SYTL5: variants seen among roughly 807,000 people sequenced by gnomAD.
SYTL5 encodes synaptotagmin-like protein 5.
In SYTL5, 34 loss-of-function variants were observed where a neutral mutation model predicts 55.9. That is an observed-to-expected ratio of 0.61 (90% CI 0.46 to 0.81). The LOEUF (loss-of-function observed/expected upper bound fraction) is 0.81. SYTL5 is among the 30% of genes least tolerant of loss of function. SYTL5 has a pLI of 0.00. For missense variants in SYTL5, 637 were observed against 546.7 expected (o/e 1.17, Z -1.65); for synonymous variants, 221 against 188.7 (o/e 1.17, Z -1.40).
At chrX:37,961,304 A>G in the SYTL5 span, among the ~76,000 whole-genome samples, 8 of 111,676 alleles carry the variant, frequency 7.2e-5, no homozygotes, top group African/African-American at 2.6e-4. Context: ...AGAGCATGGC[A>G]TCGACATCTG....
chrX:37,905,270 TCCTCCACA>T, the SYTL5 span, among the ~76,000 whole-genome samples: 56 of 110,569 alleles, frequency 5.1e-4, no homozygotes, highest in African/African-American at 1.8e-3. Flanking sequence ...ACTTGCAGCC[TCCTCCACA>T]AGGAAGGGGG....
chrX:37,969,973 T>A, the SYTL5 span, among the ~76,000 whole-genome samples: 6 of 112,023 alleles, frequency 5.4e-5, no homozygotes, highest in Non-Finnish European at 9.4e-5. Flanking sequence ...TTTTAAGATA[T>A]CAATCTGAAG....
the SYTL5 span, among the ~76,000 whole-genome samples, chrX:37,950,481 G>T: frequency 9.0e-6 from 1 of 111,571 alleles, no homozygotes; most frequent in Non-Finnish European, 1.9e-5. Flanking sequence ...TAACTGTAAA[G>T]CAGGATATAT....
At chrX:37,983,163 A>T in the SYTL5 span, among the ~76,000 whole-genome samples, 2 of 111,881 alleles carry the variant, frequency 1.8e-5, no homozygotes, top group Non-Finnish European at 3.8e-5. Flanking sequence ...AAAAAGTAAA[A>T]TGGCAGAGGT....
the SYTL5 span, among the ~76,000 whole-genome samples, chrX:37,950,790 A>G: frequency 9.0e-6 from 1 of 111,580 alleles, no homozygotes; most frequent in East Asian, 2.8e-4. Flanking sequence ...TTTTTCTGAG[A>G]GCTTTTCAGG....
the SYTL5 span, among the ~76,000 whole-genome samples, chrX:37,913,662 A>G: frequency 8.9e-6 from 1 of 112,117 alleles, no homozygotes; most frequent in Non-Finnish European, 1.9e-5. Context: ...ACCCTTGACC[A>G]ATGTGAGATG....
At chrX:37,920,509 T>G in the SYTL5 span, among the ~76,000 whole-genome samples, 1 of 111,038 alleles carries the variant, frequency 9.0e-6, no homozygotes, top group Non-Finnish European at 1.9e-5. Flanking sequence ...ATATTTTTTC[T>G]GTACCCTTTG....
At chrX:38,034,141 G>A (rs992988918) in intron 2 of SYTL5, 133 bp downstream of exon 2, 1 of 316,605 alleles carries the variant, frequency 3.2e-6, no homozygotes, top group Non-Finnish European at 5.5e-6. Flanking sequence ...GTTCTCATCA[G>A]TAGCCCAAAT....
intron 5 of SYTL5, among the ~76,000 whole-genome samples, chrX:38,076,051 G>A (rs191228841): frequency 1.8e-5 from 2 of 111,785 alleles, no homozygotes; most frequent in South Asian, 3.8e-4. Context: ...TTAGTCATTC[G>A]TTCCACAAGA....
the SYTL5 span, chrX:37,949,494 A>G: frequency 8.9e-6 from 1 of 111,838 alleles, no homozygotes; most frequent in Non-Finnish European, 1.9e-5. Context: ...AGCATTCCTC[A>G]TTGATTAAAT....
At chrX:38,057,409 T>C (rs1176825224) in intron 3 of SYTL5, among the ~76,000 whole-genome samples, 1 of 111,881 alleles carries the variant, frequency 8.9e-6, no homozygotes, top group African/African-American at 3.2e-5. Flanking sequence ...ATAGAAATTA[T>C]AGTTCTGTGG....
chrX:38,068,087 G>T (rs1369933078), intron 3 of SYTL5, among the ~76,000 whole-genome samples: 3 of 111,301 alleles, frequency 2.7e-5, no homozygotes, highest in Non-Finnish European at 5.7e-5. Context: ...AAGCAAAGAA[G>T]CAAATAATCC....
At chrX:37,960,937 A>G in the SYTL5 span, among the ~76,000 whole-genome samples, 2 of 109,358 alleles carry the variant, frequency 1.8e-5, no homozygotes, top group African/African-American at 6.6e-5. Context: ...CTGGGACTAC[A>G]GGCGCCTGCC....
intron 2 of SYTL5, among the ~76,000 whole-genome samples, chrX:38,047,960 G>A (rs1225250523): frequency 1.8e-5 from 2 of 110,980 alleles, no homozygotes; most frequent in African/African-American, 6.6e-5. Flanking sequence ...GCTGAGGCTT[G>A]CAGATCACAA....
At chrX:38,076,447 C>T in intron 5 of SYTL5, 120 bp from the exon 6 acceptor site, 2 of 626,761 alleles carry the variant, frequency 3.2e-6, no homozygotes, top group African/African-American at 2.2e-5. Context: ...CCTCTCAGCC[C>T]TAAGGCTGCT....
At chrX:38,115,483 C>CAAAAAAAAAA (rs772227891) in intron 13 of SYTL5, among the ~76,000 whole-genome samples, 1 of 17,476 alleles carries the variant, frequency 5.7e-5, no homozygotes, top group Non-Finnish European at 1.0e-4. Context: ...GACTCCGTCT[C>CAAAAAAAAAA]AAAAAAAAAA....
At chrX:37,893,459 T>C in the SYTL5 span, among the ~76,000 whole-genome samples, 2 of 94,991 alleles carry the variant, frequency 2.1e-5, no homozygotes, top group Non-Finnish European at 4.1e-5. Flanking sequence ...ATATAATCTA[T>C]ATATAATATA....
At chrX:38,035,499 G>A (rs1389679796) in intron 2 of SYTL5, among the ~76,000 whole-genome samples, 3 of 109,848 alleles carry the variant, frequency 2.7e-5, no homozygotes, top group Non-Finnish European at 5.7e-5. Context: ...GCTGAGGCGG[G>A]AGAATGGCAT....
intron 1 of SYTL5, among the ~76,000 whole-genome samples, chrX:38,022,967 CGA>C (rs1167258141): frequency 9.0e-6 from 1 of 111,052 alleles, no homozygotes; most frequent in Non-Finnish European, 1.9e-5. Flanking sequence ...AGGATAGATA[CGA>C]GAGAGAGAGA....
Sources: gnomAD v4.1 joint callset for allele counts (sites outside exome capture counted in the v4.1 genomes callset) on GRCh38, gnomAD v4.1.1 for gene constraint, MANE v1.5 for transcripts, NCBI Gene and HGNC (gene_info 2026-07-23, HGNC 2026-07-21) for gene names.